The following SYNDIG1L variants were observed in gnomAD, a reference collection of about 807,000 sequenced individuals.
The protein encoded by SYNDIG1L is synapse differentiation inducing 1 like.
A neutral mutation model predicts 20.1 loss-of-function variants in SYNDIG1L; 13 were observed. The ratio of observed to expected loss-of-function variants is 0.65; its 90% CI spans 0.42 to 1.03. SYNDIG1L has a LOEUF of 1.03. Among genes scored for constraint, SYNDIG1L ranks in the 50% least tolerant of loss-of-function variants. The pLI is 0.00. For missense variants in SYNDIG1L, 294 were observed against 305.1 expected (o/e 0.96, Z 0.27); for synonymous variants, 128 against 129.3 (o/e 0.99, Z 0.07).
chr14:74,420,991 A>G (rs2086216599), intron 1 of SYNDIG1L, among the ~76,000 whole-genome samples: 1 of 152,232 alleles, frequency 6.6e-6, no homozygotes, highest in Non-Finnish European at 1.5e-5. Flanking sequence ...GTATAAATGG[A>G]CAACAAAAGA....
chr14:74,459,064 T>C, the SYNDIG1L span, among the ~76,000 whole-genome samples: 2 of 152,064 alleles, frequency 1.3e-5, no homozygotes, highest in South Asian at 4.2e-4. Context: ...AGCAGACAGC[T>C]TGGAGCTCTG....
At chr14:74,476,858 G>C in the SYNDIG1L span, among the ~76,000 whole-genome samples, 1 of 152,126 alleles carries the variant, frequency 6.6e-6, no homozygotes, top group Non-Finnish European at 1.5e-5. Flanking sequence ...ACTGACAGCT[G>C]TAAGTGAATC....
At chr14:74,472,574 C>T in the SYNDIG1L span, among the ~76,000 whole-genome samples, 3 of 152,190 alleles carry the variant, frequency 2.0e-5, no homozygotes, top group African/African-American at 4.8e-5. Context: ...GAAAGCCAGA[C>T]ATTGATCAAA....
rs148991524 is a variant in SYNDIG1L, at chr14:74,424,097, T to A, written c.-58+1815A>T. On this transcript the variant is annotated intron_variant, in intron 1 of 3. Coordinates refer to ENST00000331628, the MANE Select transcript of SYNDIG1L (RefSeq NM_001105579.2). ...TAAAATCCAGTTCATTACTAAAAGGTCATTAACTTTGTTGTCAAACCAGGT... is the reference window on the plus strand; with the variant it reads ...TAAAATCCAGTTCATTACTAAAAGGACATTAACTTTGTTGTCAAACCAGGT... Among the ~76,000 whole-genome samples, 1,260 of 152,204 alleles carry A rather than the reference T, an allele frequency of 8.3e-3. 15 individuals carry two copies. Among genetic ancestry groups the A allele is most frequent in the Middle Eastern group, 0.014 (4 of 294 alleles).
the SYNDIG1L span, among the ~76,000 whole-genome samples, chr14:74,466,605 C>T: frequency 6.6e-6 from 1 of 152,194 alleles, no homozygotes; most frequent in East Asian, 1.9e-4. Flanking sequence ...CAGCCTCCCC[C>T]TTCATGAACA....
At chr14:74,441,578 T>C in the SYNDIG1L span, among the ~76,000 whole-genome samples, 1 of 152,164 alleles carries the variant, frequency 6.6e-6, no homozygotes, top group Non-Finnish European at 1.5e-5. Context: ...CCTTTTTAGC[T>C]CACTGTAGCC....
At chr14:74,415,715 AT>A (rs1240522089) in intron 1 of SYNDIG1L, among the ~76,000 whole-genome samples, 2 of 151,662 alleles carry the variant, frequency 1.3e-5, no homozygotes, top group Admixed American at 6.6e-5. Context: ...ATTTTTTTGT[AT>A]TTTTTGTAGA....
chr14:74,423,249 G>A (rs1294995087), intron 1 of SYNDIG1L, among the ~76,000 whole-genome samples: 1 of 152,190 alleles, frequency 6.6e-6, no homozygotes, highest in Non-Finnish European at 1.5e-5. Flanking sequence ...GACCAGAGAT[G>A]CCCTGCACCC....
At chr14:74,408,757 G>A (rs923786313) in intron 2 of SYNDIG1L, among the ~76,000 whole-genome samples, 1 of 152,084 alleles carries the variant, frequency 6.6e-6, no homozygotes, top group Non-Finnish European at 1.5e-5. Context: ...ACTATGTACA[G>A]CAAGATTTCT....
rs1227390789 is a variant in SYNDIG1L at position 74,406,395 on chromosome 14, A to G, written c.*1140T>C. On this transcript the variant is annotated 3_prime_UTR_variant, in exon 4 of 4. Coordinates refer to ENST00000331628, the MANE Select transcript of SYNDIG1L (RefSeq NM_001105579.2). ...CTCCAGCCCAGATGTTCCAGGCAGA[A>G]TCCAAACAGCCTGGAAGCTTCCCAT... 2 of 268,292 alleles carry G rather than the reference A, an allele frequency of 7.5e-6. No individual in the cohort carries two copies. The highest frequency in any genetic ancestry group is 4.4e-5 in the African/African-American group (2 of 45,622). 16.6% of individuals were successfully genotyped at this position (268,292 alleles called of 1,614,324 possible). A position where few individuals can be genotyped will look rare whatever the true frequency, so the allele number is the denominator to read the frequency against.
chr14:74,465,183 G>A, the SYNDIG1L span, among the ~76,000 whole-genome samples: 34 of 152,298 alleles, frequency 2.2e-4, 1 homozygote, highest in African/African-American at 7.7e-4. Context: ...TGGTGCTGAT[G>A]AGGTGCTGAG....
In SYNDIG1L at chr14:74,407,382, G is replaced by C; in HGVS notation, c.*153C>G. On this transcript the variant is annotated 3_prime_UTR_variant, in exon 4 of 4. Coordinates refer to ENST00000331628, the MANE Select transcript of SYNDIG1L (RefSeq NM_001105579.2). ...GCGGGCAAGCAGAAGTGAAGGCTGA[G>C]CTCTGCAGGCTGTGGAATGGGGGTC... 9.1e-7 allele frequency: 1 copy of C among 1,095,546 alleles called. No individual in the cohort carries two copies. Among genetic ancestry groups the C allele is most frequent in the Non-Finnish European group, 1.3e-6 (1 of 771,510 alleles). The allele number at this position is 1,095,546 out of a possible 1,614,324, so 67.9% of individuals were successfully genotyped here.
intron 1 of SYNDIG1L, among the ~76,000 whole-genome samples, chr14:74,420,642 C>T (rs746001195): frequency 5.3e-5 from 8 of 152,156 alleles, no homozygotes; most frequent in South Asian, 4.2e-4. Flanking sequence ...AGGCTGCTGC[C>T]GGTTCAAGAG....
chr14:74,456,449 G>T, the SYNDIG1L span, among the ~76,000 whole-genome samples: 1 of 152,108 alleles, frequency 6.6e-6, no homozygotes, highest in Non-Finnish European at 1.5e-5. Context: ...AGAATCACTT[G>T]AACCTGGGAG....
intron 1 of SYNDIG1L, among the ~76,000 whole-genome samples, chr14:74,420,810 A>G (rs1595198445): frequency 6.6e-6 from 1 of 152,228 alleles, no homozygotes; most frequent in Non-Finnish European, 1.5e-5. Context: ...TAAAGAGCAG[A>G]TGAGATTCCT....
At chr14:74,446,680 G>A in the SYNDIG1L span, among the ~76,000 whole-genome samples, 1 of 148,786 alleles carries the variant, frequency 6.7e-6, no homozygotes, top group African/African-American at 2.5e-5. Flanking sequence ...GTAGTGGCAT[G>A]ATTTCGGCTC....
chr14:74,468,154 T>C, the SYNDIG1L span, among the ~76,000 whole-genome samples: 1 of 152,148 alleles, frequency 6.6e-6, no homozygotes, highest in African/African-American at 2.4e-5. Context: ...AGAGTTACTT[T>C]AGCCCCCTGT....
the SYNDIG1L span, among the ~76,000 whole-genome samples, chr14:74,437,454 T>G: frequency 2.0e-5 from 3 of 152,216 alleles, no homozygotes; most frequent in East Asian, 5.8e-4. Context: ...GTCTTACTCA[T>G]GTACCTGGTT....
chr14:74,421,014 A>G (rs763460782), intron 1 of SYNDIG1L, among the ~76,000 whole-genome samples: 7 of 152,236 alleles, frequency 4.6e-5, no homozygotes, highest in Non-Finnish European at 1.0e-4. Flanking sequence ...ATAAAAAACA[A>G]CTACAGGAAA....
Sources: allele counts gnomAD v4.1 joint callset (sites outside exome capture counted in the v4.1 genomes callset), GRCh38; gene constraint gnomAD v4.1.1; transcripts MANE v1.5; gene names NCBI Gene and HGNC (gene_info 2026-07-23, HGNC 2026-07-21).